The following SPARC variants were observed in gnomAD, a reference collection of about 807,000 sequenced individuals.
SPARC encodes the protein secreted protein acidic and cysteine rich, also known as basement-membrane protein 40.
In SPARC, 23 loss-of-function variants were observed where a neutral mutation model predicts 37.7. The observed-to-expected ratio is 0.61, with a 90% CI of 0.44 to 0.87. The LOEUF (loss-of-function observed/expected upper bound fraction) is 0.87. SPARC is among the 40% of genes least tolerant of loss of function. The pLI is 0.00. For missense variants in SPARC, 312 were observed against 389.0 expected, an observed-to-expected ratio of 0.80 and a Z score of 1.66; for synonymous variants, 155 against 150.8, an observed-to-expected ratio of 1.03 and a Z score of -0.20.
chr5:151,682,326 G>A (rs1041735350), intron 1 of SPARC, among the ~76,000 whole-genome samples: 5 of 152,170 alleles, frequency 3.3e-5, no homozygotes, highest in Non-Finnish European at 7.3e-5. Flanking sequence ...GGCTGGGGTG[G>A]AGCTTCAGGC....
intron 1 of SPARC, among the ~76,000 whole-genome samples, chr5:151,684,812 GA>G (rs950845978): frequency 1.3e-5 from 2 of 152,108 alleles, no homozygotes; most frequent in Non-Finnish European, 2.9e-5. Context: ...ATGGGGCCCA[GA>G]AAGAAGTATT....
At chr5:151,673,816 G>C (rs777368898) in intron 3 of SPARC, among the ~76,000 whole-genome samples, 4 of 152,046 alleles carry the variant, frequency 2.6e-5, no homozygotes, top group Non-Finnish European at 1.5e-5. Context: ...GACCACCTTG[G>C]ACACATGTCT....
intron 4 of SPARC, chr5:151,672,615 C>G (rs1760771854): frequency 6.4e-6 from 1 of 156,066 alleles, no homozygotes; most frequent in African/African-American, 2.4e-5. Flanking sequence ...ATTTCTCTCC[C>G]AGGGCACTAA....
chr5:151,663,455 CTA>C lies in SPARC; in HGVS notation c.*114_*115del, dbSNP rs71757813. The C allele has an allele frequency of 0.021, 20,652 of 993,070 alleles. 254 individuals are homozygous for C. The highest frequency in any genetic ancestry group is 0.026 in the Non-Finnish European group (16,745 of 637,030). 61.5% of individuals were successfully genotyped at this position (993,070 alleles called of 1,614,324 possible). A position where few individuals can be genotyped will look rare whatever the true frequency, so the allele number is the denominator to read the frequency against. On this transcript the variant is annotated 3_prime_UTR_variant, in exon 10 of 10. Transcript: ENST00000231061. ...GCACCGTTAATGTATTCACTTAAAT[CTA>C]TGTTAGCACCTTGTCTCCAGGCAGA...
rs200112320 is a variant in SPARC, at chr5:151,676,153, G to A, written c.36C>T (p.Ala12=). 4.1e-4 allele frequency: 669 copies of A among 1,612,320 alleles called. No individual in the cohort carries two copies. The highest frequency in any genetic ancestry group is 5.3e-4 in the Non-Finnish European group (625 of 1,179,422). Residue 12 remains alanine, a synonymous_variant, in exon 2 of 10, where the codon GCC becomes GCT. Coordinates refer to ENST00000231061, the MANE Select transcript of SPARC (RefSeq NM_003118.4). ...RAWIFFLLCL[A]GRALAAPQQE... is the part of the protein sequence containing the mutation. ...TTACAGGGGCTGCCAAGGCCCTCCCGGCCAGGCAAAGGAGAAAGAAGATCC... is the reference window on the plus strand; with the variant it reads ...TTACAGGGGCTGCCAAGGCCCTCCCAGCCAGGCAAAGGAGAAAGAAGATCC...
At chr5:151,665,498 G>A (rs933613678) in intron 8 of SPARC, among the ~76,000 whole-genome samples, 4 of 152,120 alleles carry the variant, frequency 2.6e-5, no homozygotes, top group South Asian at 2.1e-4. Flanking sequence ...TCCTAGAGAG[G>A]AAGTTCCCTG....
At chr5:151,664,333 G>A in intron 8 of SPARC, 98 bp from the exon 9 acceptor site, 3 of 1,127,682 alleles carry the variant, frequency 2.7e-6, no homozygotes, top group Non-Finnish European at 3.9e-6. Context: ...AGAGCATGGA[G>A]GAAAGGATAT....
chr5:151,669,814 T>A, intron 5 of SPARC, 30 bp from the exon 6 acceptor site: 1 of 1,613,254 alleles, frequency 6.2e-7, no homozygotes, highest in Non-Finnish European at 8.5e-7. Flanking sequence ...TACCCCCTCC[T>A]TCATTCCCAA....
intron 2 of SPARC, 21 bp from the exon 3 acceptor site, chr5:151,674,695 C>A: frequency 3.1e-6 from 5 of 1,613,454 alleles, no homozygotes; most frequent in Non-Finnish European, 4.2e-6. Flanking sequence ...GAGAAAGTAG[C>A]GTTCAGAGGG....
chr5:151,669,815 T>C, intron 5 of SPARC, 31 bp from the exon 6 acceptor site: 1 of 1,613,284 alleles, frequency 6.2e-7, no homozygotes, highest in Non-Finnish European at 8.5e-7. Context: ...ACCCCCTCCT[T>C]CATTCCCAAA....
At chr5:151,664,680 A>G (rs188404034) in intron 8 of SPARC, among the ~76,000 whole-genome samples, 12 of 152,354 alleles carry the variant, frequency 7.9e-5, no homozygotes, top group Admixed American at 7.2e-4. Context: ...TTATACATCT[A>G]TAAATGCCTA....
intron 3 of SPARC, among the ~76,000 whole-genome samples, chr5:151,674,146 G>T (rs962373792): frequency 3.3e-5 from 5 of 151,962 alleles, no homozygotes; most frequent in African/African-American, 1.2e-4. Context: ...CGAGTAGCTG[G>T]GATTACAGGC....
chr5:151,682,616 A>T (rs1761021390), intron 1 of SPARC, among the ~76,000 whole-genome samples: 1 of 152,224 alleles, frequency 6.6e-6, no homozygotes, highest in South Asian at 2.1e-4. Context: ...CTACCGATGA[A>T]TTAGTGATGT....
intron 2 of SPARC, among the ~76,000 whole-genome samples, chr5:151,675,847 AAG>A (rs1359079107): frequency 6.6e-6 from 1 of 152,126 alleles, no homozygotes; most frequent in Admixed American, 6.6e-5. Context: ...TCATATGACA[AAG>A]AGGTCATTTC....
Position 151,679,238 on chromosome 5 carries a change from C to A in SPARC, c.-13-3037G>T, listed in dbSNP as rs1581529951. 4 of 152,344 alleles carry A rather than the reference C, an allele frequency of 2.6e-5. No homozygotes were observed. In the East Asian group the frequency reaches 7.7e-4, roughly 29 times the overall value. The allele number at this position is 152,344 out of a possible 1,614,324, so 9.4% of individuals were successfully genotyped here. A position where few individuals can be genotyped will look rare whatever the true frequency, so the allele number is the denominator to read the frequency against. On this transcript the variant is annotated intron_variant, in intron 1 of 9. Transcript: ENST00000231061. ...TTTTCAGGGTGTTTTCATAATCCAG[C>A]ACCCCACTGGGGGCTCAAGTCACAT...
At chr5:151,677,811 A>AT (rs1235899087) in intron 1 of SPARC, among the ~76,000 whole-genome samples, 1 of 152,180 alleles carries the variant, frequency 6.6e-6, no homozygotes, top group Non-Finnish European at 1.5e-5. Flanking sequence ...CTCACCCCCT[A>AT]TTGCACAGAG....
chr5:151,675,304 G>C (rs1334740377), intron 2 of SPARC, among the ~76,000 whole-genome samples: 1 of 152,170 alleles, frequency 6.6e-6, no homozygotes, highest in African/African-American at 2.4e-5. Flanking sequence ...ATCACAGGTT[G>C]AAAGAAATTG....
chr5:151,680,440 T>C (rs1386228743), intron 1 of SPARC, among the ~76,000 whole-genome samples: 1 of 152,078 alleles, frequency 6.6e-6, no homozygotes, highest in Non-Finnish European at 1.5e-5. Context: ...TTCATTATGT[T>C]GCCCAGGCTG....
At position 151,678,394 on chromosome 5, in the gene SPARC, C is replaced by T. The variant is rs567241692; in HGVS notation, c.-13-2193G>A. Among the ~76,000 whole-genome samples the T allele has an allele frequency of 3.3e-5, 5 of 152,300 alleles. No individual in the cohort carries two copies. The South Asian group carries it at 8.3e-4, about 25-fold the overall frequency. ...CCTGAATTCCTTTTCCAGCTGCACA[C>T]TCACCCTCCCTGCCACCCCCATCCC... On this transcript the variant is annotated intron_variant, in intron 1 of 9. Transcript: ENST00000231061.
Sources: allele counts gnomAD v4.1 joint callset (sites outside exome capture counted in the v4.1 genomes callset), GRCh38; gene constraint gnomAD v4.1.1; transcripts MANE v1.5; gene names NCBI Gene and HGNC (gene_info 2026-07-23, HGNC 2026-07-21).